Variants in ARHGEF7 observed in about 807,000 individuals in gnomAD.
The protein encoded by ARHGEF7 is PAK-interacting exchange factor beta.
A neutral mutation model predicts 109.8 loss-of-function variants in ARHGEF7; 33 were observed. The observed-to-expected ratio is 0.30, with a 90% CI of 0.23 to 0.40. ARHGEF7 has a LOEUF of 0.40. Ranked by LOEUF, ARHGEF7 falls within the 10% of genes least tolerant of loss-of-function variation. The pLI, the probability that ARHGEF7 is intolerant of heterozygous loss-of-function variation, is 1.00. For missense variants in ARHGEF7, 938 were observed against 1,098.5 expected (o/e 0.85, Z 2.07); for synonymous variants, 458 against 424.6 (o/e 1.08, Z -0.97).
At chr13:111,141,405 C>T (rs2075341416) in intron 1 of ARHGEF7, among the ~76,000 whole-genome samples, 1 of 151,706 alleles carries the variant, frequency 6.6e-6, no homozygotes, top group Non-Finnish European at 1.5e-5. Flanking sequence ...AAGAATATTG[C>T]AAAGGCTACA....
intron 19 of ARHGEF7, among the ~76,000 whole-genome samples, chr13:111,300,023 A>G (rs1567132529): frequency 1.3e-5 from 2 of 152,242 alleles, no homozygotes; most frequent in South Asian, 4.1e-4. Flanking sequence ...CCCTTGCATC[A>G]TTAAATACAA....
Position 111,269,493 on chromosome 13 carries a change from G to T in ARHGEF7, c.1073+1823G>T, listed in dbSNP as rs1208901791. Among the ~76,000 whole-genome samples the T allele has an allele frequency of 3.3e-5, 5 of 152,214 alleles. No individual in the cohort carries two copies. The East Asian group carries it at 9.6e-4, about 29-fold the overall frequency. On this transcript the variant is annotated intron_variant, in intron 9 of 21. Transcript: ENST00000646102. ...TTACCTTAATGAGTGTGTTTGTCAG[G>T]TCTTAATGTACGTGTAGCATTTTCC... is the stretch of plus-strand genomic sequence containing the variant.
intron 3 of ARHGEF7, among the ~76,000 whole-genome samples, chr13:111,207,059 T>A (rs1316057839): frequency 6.6e-6 from 1 of 152,022 alleles, no homozygotes; most frequent in Non-Finnish European, 1.5e-5. Flanking sequence ...ATCACTGGAA[T>A]TTAATACAAG....
rs376450901 is a variant in ARHGEF7, at chr13:111,221,365, C to G, written c.670+3485C>G. ...TCTATATATATGTCTATATATATAT[C>G]TATATATATATCTATATATATAGAT... On this transcript the variant is annotated intron_variant, in intron 5 of 21. Coordinates refer to ENST00000646102, the MANE Select transcript of ARHGEF7 (RefSeq NM_001354046.2). Among the ~76,000 whole-genome samples the G allele has an allele frequency of 1.7e-3, 20 of 11,898 alleles. 7 individuals are homozygous for G. The highest frequency in any genetic ancestry group is 2.2e-3 in the Non-Finnish European group (12 of 5,352). The allele number at this position is 11,898 out of a possible 152,430, so 7.8% of individuals were successfully genotyped here.
chr13:111,195,867 A>G (rs9515386), intron 2 of ARHGEF7, among the ~76,000 whole-genome samples: 63,181 of 151,990 alleles, frequency 0.42, 13,685 homozygotes, highest in Non-Finnish European at 0.47. Context: ...GGCCATGACT[A>G]AGGCTGCTGC....
intron 5 of ARHGEF7, among the ~76,000 whole-genome samples, chr13:111,225,249 A>G (rs947542565): frequency 1.3e-5 from 2 of 152,116 alleles, no homozygotes; most frequent in African/African-American, 4.8e-5. Context: ...TCTTTTTTAA[A>G]AAAGTTTTAT....
intron 2 of ARHGEF7, among the ~76,000 whole-genome samples, chr13:111,185,383 C>T (rs1035284977): frequency 3.3e-5 from 5 of 152,208 alleles, no homozygotes; most frequent in African/African-American, 2.4e-5. Context: ...ATAGCCTTTC[C>T]CTTTTTAGCA....
At chr13:111,269,904 G>T (rs1595385263) in intron 9 of ARHGEF7, among the ~76,000 whole-genome samples, 1 of 152,308 alleles carries the variant, frequency 6.6e-6, no homozygotes, top group Middle Eastern at 3.4e-3. Flanking sequence ...CCTCTTGCCA[G>T]CTTTTCCATG....
At chr13:111,124,472 T>A (rs997104786) in intron 1 of ARHGEF7, among the ~76,000 whole-genome samples, 22 of 152,370 alleles carry the variant, frequency 1.4e-4, no homozygotes, top group African/African-American at 5.3e-4. Flanking sequence ...TTGGCTCCTG[T>A]CCATGCTGGC....
chr13:111,251,940 CT>C (rs377311988), intron 8 of ARHGEF7, among the ~76,000 whole-genome samples: 3 of 152,300 alleles, frequency 2.0e-5, no homozygotes, highest in African/African-American at 7.2e-5. Context: ...GCTTATATGA[CT>C]TTTTCCAAGC....
At position 111,303,005 on chromosome 13, in the gene ARHGEF7, G is replaced by C; in HGVS notation, c.2481G>C (p.Met827Ile). 1 of 1,614,138 alleles carries C rather than the reference G, an allele frequency of 6.2e-7. No individual in the cohort carries two copies. The highest frequency in any genetic ancestry group is 8.5e-7 in the Non-Finnish European group (1 of 1,179,986). ...VQELRQDNKKMKKSLEEEQRA... is the reference protein window; with the variant it reads ...VQELRQDNKKIKKSLEEEQRA... ...TTAATTTACAGGACAACAAAAAGAT[G>C]AAGAAATCTCTAGAGGAAGAACAGA... Residue 827 changes from methionine to isoleucine, a missense_variant, in exon 22 of 22, where the codon ATG becomes ATC. By Grantham distance (10) the Met-to-Ile change is conservative. Transcript: ENST00000646102.
chr13:111,288,883 G>A (rs2093142133), intron 18 of ARHGEF7, among the ~76,000 whole-genome samples: 2 of 151,940 alleles, frequency 1.3e-5, no homozygotes, highest in Admixed American at 6.6e-5. Flanking sequence ...CCTTGAGCAA[G>A]GTTTCTTTTA....
intron 21 of ARHGEF7, among the ~76,000 whole-genome samples, 158 bp from the exon 22 acceptor site, chr13:111,302,833 T>G (rs544674893): frequency 6.6e-6 from 1 of 152,330 alleles, no homozygotes; most frequent in Non-Finnish European, 1.5e-5. Flanking sequence ...GTCCAGGTGT[T>G]TGACCTTCGT....
chr13:111,262,967 C>G (rs753541371), intron 8 of ARHGEF7, among the ~76,000 whole-genome samples: 56 of 152,364 alleles, frequency 3.7e-4, no homozygotes, highest in Non-Finnish European at 4.7e-4. Flanking sequence ...CTTGATGTAG[C>G]CCCTGTGGGG....
intron 11 of ARHGEF7, 22 bp downstream of exon 11, chr13:111,274,812 T>C: frequency 7.2e-7 from 1 of 1,395,138 alleles, no homozygotes; most frequent in Non-Finnish European, 9.5e-7. Flanking sequence ...AGCATATTGT[T>C]TTCCCCCCCA....
chr13:111,260,738 A>T (rs961848530), intron 8 of ARHGEF7, among the ~76,000 whole-genome samples: 77 of 152,272 alleles, frequency 5.1e-4, no homozygotes, highest in Non-Finnish European at 4.7e-4. Flanking sequence ...TAAACTACTC[A>T]TATCTTGAGT....
rs867940947 is a variant in ARHGEF7 at position 111,259,327 on chromosome 13, G to C, written c.951-8221G>C. Among the ~76,000 whole-genome samples, 3 of 152,180 alleles carry C rather than the reference G, an allele frequency of 2.0e-5. No individual in the cohort carries two copies. In the East Asian group the frequency reaches 5.8e-4, roughly 29 times the overall value. On this transcript the variant is annotated intron_variant, in intron 8 of 21. Transcript: ENST00000646102. ...GGTGTGAACCAGTGCAGTCCCAATG[G>C]TGGTGACTACAGGGGTATTGTGTCA...
At chr13:111,156,863 C>T (rs1325762479) in intron 2 of ARHGEF7, among the ~76,000 whole-genome samples, 2 of 152,150 alleles carry the variant, frequency 1.3e-5, no homozygotes. Context: ...AGCTTTTGTT[C>T]TATAGTTGTA....
At chr13:111,133,757 TTTTCTTTATATATATATATATA>T (rs1188088071) in intron 1 of ARHGEF7, among the ~76,000 whole-genome samples, 1 of 115,836 alleles carries the variant, frequency 8.6e-6, no homozygotes, top group Non-Finnish European at 1.7e-5. Context: ...GAGAATCTGC[TTTTCTTTATATATATATATATA>T]TATATATATA....
Sources: allele counts gnomAD v4.1 joint callset (sites outside exome capture counted in the v4.1 genomes callset), GRCh38; gene constraint gnomAD v4.1.1; transcripts MANE v1.5; gene names NCBI Gene and HGNC (gene_info 2026-07-23, HGNC 2026-07-21).